The following LHFPL3 variants were observed in gnomAD, a reference collection of about 807,000 sequenced individuals.
The protein encoded by LHFPL3 is LHFPL tetraspan subfamily member 3.
In LHFPL3, 5 loss-of-function variants were observed where a neutral mutation model predicts 19.3. That is an observed-to-expected ratio of 0.26 (90% CI 0.14 to 0.54). LHFPL3 has a LOEUF of 0.54. LHFPL3 is among the 20% of genes least tolerant of loss of function. The pLI is 0.94. For synonymous variants in LHFPL3, 133 were observed against 126.2 expected (o/e 1.05, Z -0.36); for missense variants, 249 against 307.4 (o/e 0.81, Z 1.42).
intron 1 of LHFPL3, among the ~76,000 whole-genome samples, chr7:104,548,217 C>G (rs1794606257): frequency 6.6e-6 from 1 of 152,080 alleles, no homozygotes; most frequent in African/African-American, 2.4e-5. Flanking sequence ...TCCTCTCTGT[C>G]TTGATTTCTT....
intron 1 of LHFPL3, among the ~76,000 whole-genome samples, chr7:104,723,214 G>T (rs918676283): frequency 2.0e-5 from 3 of 152,114 alleles, no homozygotes; most frequent in Non-Finnish European, 2.9e-5. Flanking sequence ...AGAGCCCTTT[G>T]TGGGCATCAG....
At chr7:104,336,940 A>G (rs1470447151) in intron 1 of LHFPL3, among the ~76,000 whole-genome samples, 3 of 152,224 alleles carry the variant, frequency 2.0e-5, no homozygotes, top group East Asian at 1.9e-4. Flanking sequence ...TCCACATTCT[A>G]TGCCCTGTTA....
At chr7:104,604,610 C>T (rs1791054905) in intron 1 of LHFPL3, among the ~76,000 whole-genome samples, 3 of 152,216 alleles carry the variant, frequency 2.0e-5, no homozygotes, top group Admixed American at 6.5e-5. Context: ...TTATAAGTTT[C>T]ATATCCTGAT....
chr7:104,344,629 G>A (rs1415618022), intron 1 of LHFPL3, among the ~76,000 whole-genome samples: 1 of 152,180 alleles, frequency 6.6e-6, no homozygotes, highest in Admixed American at 6.5e-5. Flanking sequence ...ATTCCATGCT[G>A]TATGTATATA....
chr7:104,820,775 T>C (rs1344557385), intron 2 of LHFPL3, among the ~76,000 whole-genome samples: 3 of 152,106 alleles, frequency 2.0e-5, no homozygotes, highest in Non-Finnish European at 4.4e-5. Flanking sequence ...CAGAGGCCTC[T>C]AGACTAAGGT....
intron 1 of LHFPL3, among the ~76,000 whole-genome samples, chr7:104,643,073 T>G (rs6944590): frequency 0.97 from 147,371 of 152,284 alleles, 71,449 homozygotes; most frequent in Non-Finnish European, 1. Context: ...AGAATCAGCT[T>G]TGTTTCTACT....
Position 104,827,478 on chromosome 7 carries a change from T to C in LHFPL3, c.683-78709T>C, listed in dbSNP as rs139600869. On this transcript the variant is annotated intron_variant, in intron 2 of 2. Transcript: ENST00000424859. ...AAACTAGTGTCACCTTATTTTGATT[T>C]CCTAGTTCAGGTAATGGCCTGAAAC... Among the ~76,000 whole-genome samples the C allele has an allele frequency of 1.7e-3, 255 of 152,076 alleles. 6 individuals carry two copies. The highest frequency in any genetic ancestry group is 5.8e-3 in the African/African-American group (239 of 41,336).
At chr7:104,441,935 C>T (rs1792232464) in intron 1 of LHFPL3, among the ~76,000 whole-genome samples, 1 of 152,132 alleles carries the variant, frequency 6.6e-6, no homozygotes, top group Non-Finnish European at 1.5e-5. Context: ...GAACATACGT[C>T]AGTTATATTC....
intron 1 of LHFPL3, among the ~76,000 whole-genome samples, chr7:104,419,822 G>A (rs1011203782): frequency 7.2e-5 from 11 of 152,190 alleles, no homozygotes; most frequent in Non-Finnish European, 1.6e-4. Flanking sequence ...GAAGGGGCAG[G>A]ACAGATACAC....
intron 1 of LHFPL3, among the ~76,000 whole-genome samples, chr7:104,714,894 ACACATGTGTACATGCT>A (rs1174820135): frequency 6.6e-6 from 1 of 152,198 alleles, no homozygotes; most frequent in Non-Finnish European, 1.5e-5. Context: ...GTGCGCATGC[ACACATGTGTACATGCT>A]CACTCTATAT....
intron 1 of LHFPL3, among the ~76,000 whole-genome samples, chr7:104,723,340 G>C (rs1165181936): frequency 6.6e-6 from 1 of 152,180 alleles, no homozygotes; most frequent in East Asian, 1.9e-4. Context: ...TGTTTACTCT[G>C]TGTCAGAAGA....
intron 1 of LHFPL3, among the ~76,000 whole-genome samples, chr7:104,444,482 A>G (rs1792288996): frequency 6.6e-6 from 1 of 152,220 alleles, no homozygotes; most frequent in Non-Finnish European, 1.5e-5. Context: ...AAGGAATTTA[A>G]AAACTCTCCA....
At chr7:104,403,367 T>G (rs1326305318) in intron 1 of LHFPL3, among the ~76,000 whole-genome samples, 1 of 152,162 alleles carries the variant, frequency 6.6e-6, no homozygotes, top group Non-Finnish European at 1.5e-5. Flanking sequence ...TTTACTTGTG[T>G]CTCTCCTGCT....
At chr7:104,710,071 G>A (rs759732477) in intron 1 of LHFPL3, among the ~76,000 whole-genome samples, 29 of 152,196 alleles carry the variant, frequency 1.9e-4, no homozygotes, top group Non-Finnish European at 2.6e-4. Context: ...CTGCAATCCC[G>A]GCACCTCGGG....
chr7:104,640,239 C>T (rs1791806725), intron 1 of LHFPL3, among the ~76,000 whole-genome samples: 1 of 152,188 alleles, frequency 6.6e-6, no homozygotes, highest in Admixed American at 6.6e-5. Context: ...GCTCTGCATG[C>T]ATTAGGTATT....
At position 104,488,444 on chromosome 7, in the gene LHFPL3, C is replaced by G. The variant is rs534757231; in HGVS notation, c.445+159220C>G. Among the ~76,000 whole-genome samples the G allele has an allele frequency of 1.8e-4, 28 of 152,246 alleles. No homozygotes were observed. The Middle Eastern group carries it at 0.014, about 74-fold the overall frequency. ...CTTTGAGATAAAAGGGCCAAGAAGG[C>G]AGTCATACCACTTTTTATCTGGTCC... On this transcript the variant is annotated intron_variant, in intron 1 of 2. Transcript: ENST00000424859.
chr7:104,695,013 T>A (rs1332939694), intron 1 of LHFPL3, among the ~76,000 whole-genome samples: 2 of 152,256 alleles, frequency 1.3e-5, no homozygotes, highest in Admixed American at 6.5e-5. Context: ...TCATGGACCA[T>A]GAAGAAAGGC....
intron 1 of LHFPL3, among the ~76,000 whole-genome samples, chr7:104,640,489 T>C (rs992564987): frequency 6.6e-5 from 10 of 152,232 alleles, no homozygotes; most frequent in African/African-American, 2.4e-4. Context: ...CCATGGTGTA[T>C]ATGTGTCACA....
In LHFPL3 at chr7:104,369,375, C is replaced by T. The variant is rs73403827; in HGVS notation, c.445+40151C>T. Among the ~76,000 whole-genome samples, 888 of 152,242 alleles carry T rather than the reference C, an allele frequency of 5.8e-3. 14 individuals carry two copies. The highest frequency in any genetic ancestry group is 0.02 in the African/African-American group (832 of 41,534). On this transcript the variant is annotated intron_variant, in intron 1 of 2. Transcript: ENST00000424859. ...TCACTAATATAATGCTTTTAAGCAC[C>T]GTACATGTTGTTGAATGTATCCAAA...
Sources: allele counts gnomAD v4.1 joint callset (sites outside exome capture counted in the v4.1 genomes callset), GRCh38; gene constraint gnomAD v4.1.1; transcripts MANE v1.5; gene names NCBI Gene and HGNC (gene_info 2026-07-23, HGNC 2026-07-21).